The following RORA variants were observed in gnomAD, a reference collection of about 807,000 sequenced individuals.
The protein encoded by RORA is RAR related orphan receptor A.
RORA carries 7 observed loss-of-function variants against 69.5 expected under a neutral mutation model. The observed-to-expected ratio is 0.10, with a 90% CI of 0.06 to 0.19. The LOEUF (loss-of-function observed/expected upper bound fraction) is 0.19, where lower values mean the gene tolerates loss of function less well. RORA is among the 10% of genes least tolerant of loss of function. The pLI is 1.00. For missense variants in RORA, 457 were observed against 663.0 expected (o/e 0.69, Z 3.41); for synonymous variants, 261 against 240.8 (o/e 1.08, Z -0.78).
At chr15:60,692,753 GT>G (rs1567158375) in intron 1 of RORA, among the ~76,000 whole-genome samples, 2 of 152,156 alleles carry the variant, frequency 1.3e-5, no homozygotes, top group African/African-American at 4.8e-5. Flanking sequence ...ATTCAAGCCA[GT>G]AAGGGCTGGC....
At chr15:61,006,471 A>ACT (rs1335115481) in intron 1 of RORA, among the ~76,000 whole-genome samples, 1 of 152,012 alleles carries the variant, frequency 6.6e-6, no homozygotes, top group Non-Finnish European at 1.5e-5. Flanking sequence ...CCCTGGGTGT[A>ACT]CTCTGAAGCC....
chr15:60,820,228 C>T (rs2072876125), intron 1 of RORA, among the ~76,000 whole-genome samples: 1 of 152,210 alleles, frequency 6.6e-6, no homozygotes, highest in Admixed American at 6.5e-5. Context: ...CTTTGTTCAG[C>T]ACAGGTTCTA....
At chr15:61,001,725 C>T (rs1894751889) in intron 1 of RORA, among the ~76,000 whole-genome samples, 1 of 151,790 alleles carries the variant, frequency 6.6e-6, no homozygotes, top group Non-Finnish European at 1.5e-5. Flanking sequence ...TGTAAAAGCA[C>T]CAGTTAATAG....
chr15:60,559,077 TAATA>T (rs1402276235), intron 2 of RORA, among the ~76,000 whole-genome samples: 7 of 152,114 alleles, frequency 4.6e-5, no homozygotes, highest in Non-Finnish European at 8.8e-5. Flanking sequence ...CAACAAAATC[TAATA>T]AAAATCAAAT....
chr15:60,514,066 G>A (rs1262940329), intron 4 of RORA, among the ~76,000 whole-genome samples: 1 of 152,160 alleles, frequency 6.6e-6, no homozygotes, highest in Non-Finnish European at 1.5e-5. Flanking sequence ...CCTTAAAGTA[G>A]CTTCATTTAA....
chr15:60,840,741 G>A (rs998779414), intron 1 of RORA, among the ~76,000 whole-genome samples: 7 of 152,214 alleles, frequency 4.6e-5, no homozygotes, highest in Non-Finnish European at 7.3e-5. Flanking sequence ...GGAATGGGGG[G>A]CTTAGCTTCT....
chr15:60,564,027 C>T lies in RORA; in HGVS notation c.197-32176G>A, dbSNP rs114131790. 5.1e-3 allele frequency among the ~76,000 whole-genome samples: 770 copies of T among 152,254 alleles called. 7 individuals carry two copies. The highest frequency in any genetic ancestry group is 0.018 in the African/African-American group (740 of 41,526). ...TGAGCACACTTCTCACTACATACTT[C>T]ATTTTATTAGGATATGAATTTTATA... is the stretch of plus-strand genomic sequence containing the variant. On this transcript the variant is annotated intron_variant, in intron 2 of 10. Transcript: ENST00000335670.
chr15:60,713,788 T>C (rs1270001507), intron 1 of RORA, among the ~76,000 whole-genome samples: 1 of 152,204 alleles, frequency 6.6e-6, no homozygotes, highest in Non-Finnish European at 1.5e-5. Flanking sequence ...CTGTCATCTA[T>C]GAAGGGCTCA....
rs546550032 is a variant in RORA at position 60,887,012 on chromosome 15, G to A, written c.167-208326C>T. Among the ~76,000 whole-genome samples the A allele has an allele frequency of 5.3e-5, 8 of 152,254 alleles. No homozygotes were observed. The East Asian group carries it at 7.7e-4, about 15-fold the overall frequency. ...TCTTGTGCTCCTCGGCTACAAGATC[G>A]TCTTCCTTGATAGTTTTTATTGCTT... On this transcript the variant is annotated intron_variant, in intron 1 of 10. Transcript: ENST00000335670.
At chr15:60,784,422 G>A (rs1201860494) in intron 1 of RORA, among the ~76,000 whole-genome samples, 3 of 152,172 alleles carry the variant, frequency 2.0e-5, no homozygotes, top group African/African-American at 4.8e-5. Context: ...GTGGCAAAAA[G>A]TTCTGGTCCT....
chr15:60,942,736 C>T (rs539603840), intron 1 of RORA, among the ~76,000 whole-genome samples: 84 of 152,296 alleles, frequency 5.5e-4, no homozygotes, highest in Middle Eastern at 3.4e-3. Context: ...AAACAAACAC[C>T]GTCTTTAATC....
chr15:61,073,266 G>A (rs1043218244), intron 1 of RORA, among the ~76,000 whole-genome samples: 3 of 152,170 alleles, frequency 2.0e-5, no homozygotes, highest in Non-Finnish European at 2.9e-5. Context: ...AGGGCAGGGC[G>A]CAGGTATACC....
At chr15:60,540,699 A>G (rs1410612235) in intron 2 of RORA, among the ~76,000 whole-genome samples, 1 of 152,096 alleles carries the variant, frequency 6.6e-6, no homozygotes, top group Non-Finnish European at 1.5e-5. Context: ...ATTTCTTTCC[A>G]TGAGCTCCGA....
chr15:60,787,866 A>T lies in RORA; in HGVS notation c.167-109180T>A, dbSNP rs78359954. Among the ~76,000 whole-genome samples, 215 of 152,304 alleles carry T rather than the reference A, an allele frequency of 1.4e-3. 1 individual carries two copies. The highest frequency in any genetic ancestry group is 5.0e-3 in the African/African-American group (208 of 41,564). On this transcript the variant is annotated intron_variant, in intron 1 of 10. Coordinates refer to ENST00000335670, the MANE Select transcript of RORA (RefSeq NM_134261.3). ...TCATCAGGCATCAGAAAAACCATTC[A>T]TTCATGTATTAACATTCAACAAATA...
At chr15:61,063,868 C>T (rs952718282) in intron 1 of RORA, among the ~76,000 whole-genome samples, 1 of 152,184 alleles carries the variant, frequency 6.6e-6, no homozygotes, top group Non-Finnish European at 1.5e-5. Flanking sequence ...ATAGAGAGCA[C>T]GTTTGGCCTA....
rs201193363 is a variant in RORA, at chr15:60,514,608, G to T, written c.424+8C>A. 1 of 1,613,812 alleles carries T rather than the reference G, an allele frequency of 6.2e-7. No homozygotes were observed. The highest frequency in any genetic ancestry group is 1.3e-5 in the African/African-American group (1 of 75,026). On this transcript the variant is annotated splice_region_variant and intron_variant, in intron 4 of 10. Coordinates refer to ENST00000335670, the MANE Select transcript of RORA (RefSeq NM_134261.3). The stretch of plus-strand genomic sequence containing the variant: ...TGCAACTGTACAACTCAAGCTGTGA[G>T]AGCTCACCATCTCGAGACATCCCTA...
intron 1 of RORA, among the ~76,000 whole-genome samples, chr15:60,980,789 G>T (rs1211071716): frequency 6.6e-6 from 1 of 151,832 alleles, no homozygotes; most frequent in Non-Finnish European, 1.5e-5. Flanking sequence ...ACTAGCTAAA[G>T]GTTTGTCAAT....
intron 1 of RORA, among the ~76,000 whole-genome samples, chr15:61,013,808 G>C (rs904797146): frequency 1.6e-5 from 2 of 121,364 alleles, no homozygotes; most frequent in African/African-American, 6.1e-5. Context: ...TTTTTGGAGG[G>C]TGTCTCGCTC....
chr15:61,126,462 A>G (rs1441782969), intron 1 of RORA, among the ~76,000 whole-genome samples: 1 of 152,306 alleles, frequency 6.6e-6, no homozygotes, highest in East Asian at 1.9e-4. Context: ...GAACTTATTC[A>G]TCCTAACTAA....
Sources: gnomAD v4.1 joint callset for allele counts (sites outside exome capture counted in the v4.1 genomes callset) on GRCh38, gnomAD v4.1.1 for gene constraint, MANE v1.5 for transcripts, NCBI Gene and HGNC (gene_info 2026-07-23, HGNC 2026-07-21) for gene names.